IKBIP: variants seen among roughly 807,000 people sequenced by gnomAD.
IKBIP encodes the protein inhibitor of nuclear factor kappa-B kinase-interacting protein.
IKBIP carries 28 observed loss-of-function variants against 31.0 expected under a neutral mutation model. That is an observed-to-expected ratio of 0.90 (90% CI 0.67 to 1.24). The LOEUF is 1.24. IKBIP is among the 50% of genes most tolerant of loss of function. The pLI, the probability that IKBIP is intolerant of heterozygous loss-of-function variation, is 0.00. For missense variants in IKBIP, 453 were observed against 441.9 expected (o/e 1.03, Z -0.23); for synonymous variants, 164 against 160.3 (o/e 1.02, Z -0.17).
At chr12:98,634,748 C>T (rs561895783) in intron 1 of IKBIP, among the ~76,000 whole-genome samples, 324 of 145,816 alleles carry the variant, frequency 2.2e-3, no homozygotes, top group African/African-American at 7.6e-3. Flanking sequence ...CTCACTCTGT[C>T]GCCCAGGCTG....
At chr12:98,633,832 TA>T (rs2097623362) in intron 2 of IKBIP, among the ~76,000 whole-genome samples, 1 of 152,192 alleles carries the variant, frequency 6.6e-6, no homozygotes, top group Non-Finnish European at 1.5e-5. Flanking sequence ...TAGCCATTCT[TA>T]AATGCATGTA....
exon 3 of IKBIP, chr12:98,614,096 C>A (rs140515964): frequency 2.2e-5 from 36 of 1,612,920 alleles, no homozygotes; most frequent in Non-Finnish European, 3.0e-5. Context: ...ACCTGAAATC[C>A]GTCGTATATC....
chr12:98,637,182 G>T (rs984728824), intron 1 of IKBIP, among the ~76,000 whole-genome samples: 14 of 151,314 alleles, frequency 9.3e-5, no homozygotes, highest in Non-Finnish European at 1.8e-4. Flanking sequence ...AGTTTTTTTT[G>T]ATTAGCCTCT....
In IKBIP at chr12:98,644,564, G is replaced by A. The variant is rs1383496566; in HGVS notation, c.138C>T (p.Cys46=). 5 of 1,608,216 alleles carry A rather than the reference G, an allele frequency of 3.1e-6. No homozygotes were observed. The highest frequency in any genetic ancestry group is 4.2e-6 in the Non-Finnish European group (5 of 1,178,040). ...GGGGWADPRT[C]LSLLSLGTCL... ...ACGTCCCCAGCGACAGCAGGCTCAG[G>A]CACGTTCGGGGGTCTGCCCAGCCCC... Residue 46 remains cysteine (C), a synonymous_variant, in exon 1 of 3, where the codon TGC becomes TGT. Transcript: ENST00000299157.
chr12:98,615,486 C>T (rs1197883414), intron 2 of IKBIP, among the ~76,000 whole-genome samples: 2 of 152,176 alleles, frequency 1.3e-5, no homozygotes, highest in Non-Finnish European at 2.9e-5. Context: ...GCCTCGACCT[C>T]CCAAAGTGCT....
At chr12:98,618,029 A>T (rs2097607209) in intron 2 of IKBIP, among the ~76,000 whole-genome samples, 1 of 152,170 alleles carries the variant, frequency 6.6e-6, no homozygotes, top group Non-Finnish European at 1.5e-5. Context: ...TTAGTTTGGG[A>T]CACAGAATGT....
rs190973807 is a variant in IKBIP at position 98,631,998 on chromosome 12, G to A, written c.297+2298C>T. Among the ~76,000 whole-genome samples, 283 of 151,598 alleles carry A rather than the reference G, an allele frequency of 1.9e-3. 1 individual carries two copies. The highest frequency in any genetic ancestry group is 6.5e-3 in the African/African-American group (271 of 41,404). On this transcript the variant is annotated intron_variant, in intron 2 of 2. Transcript: ENST00000299157. Reference sequence around the variant, plus strand: ...AGCCTCCCGAGTAGCTGGGATTACAGGCGCCCGCCACCACGCCCAGCTAAT... The same window carrying A: ...AGCCTCCCGAGTAGCTGGGATTACAAGCGCCCGCCACCACGCCCAGCTAAT...
downstream of IKBIP, among the ~76,000 whole-genome samples, chr12:98,622,047 G>C (rs2097610566): frequency 6.7e-6 from 1 of 148,674 alleles, no homozygotes; most frequent in Non-Finnish European, 1.5e-5. Context: ...CTGCACTCCA[G>C]CCTGGGGACA....
chr12:98,630,709 T>C (rs2097619300), intron 2 of IKBIP, among the ~76,000 whole-genome samples: 1 of 152,158 alleles, frequency 6.6e-6, no homozygotes, highest in Non-Finnish European at 1.5e-5. Context: ...AAAAATCTTA[T>C]TATTTCTCAC....
intron 2 of IKBIP, among the ~76,000 whole-genome samples, chr12:98,631,743 A>C (rs550936282): frequency 6.8e-6 from 1 of 147,696 alleles, no homozygotes; most frequent in East Asian, 2.1e-4. Flanking sequence ...ATTGTACTCC[A>C]GCCTGGATGA....
At chr12:98,641,760 A>G (rs2097630657) in intron 1 of IKBIP, among the ~76,000 whole-genome samples, 1 of 151,272 alleles carries the variant, frequency 6.6e-6, no homozygotes, top group African/African-American at 2.4e-5. Flanking sequence ...GACTCAAGCT[A>G]TCTTCTCACC....
At position 98,644,786 on chromosome 12, in the gene IKBIP, C is replaced by T. The variant is rs1018165336; in HGVS notation, c.-85G>A. The stretch of plus-strand genomic sequence containing the variant: ...TGGCCGCCTTGGCGTTCGTGGGAAC[C>T]CTGGGCGGTGACCGCGCCCCCTCAC... On this transcript the variant is annotated 5_prime_UTR_variant, in exon 1 of 3. Transcript: ENST00000299157. 1 of 1,469,218 alleles carries T rather than the reference C, an allele frequency of 6.8e-7. No homozygotes were observed. Among genetic ancestry groups the T allele is most frequent in the Non-Finnish European group, 9.2e-7 (1 of 1,082,214 alleles). 91.0% of individuals were successfully genotyped at this position (1,469,218 alleles called of 1,614,324 possible). A position where few individuals can be genotyped will look rare whatever the true frequency, so the allele number is the denominator to read the frequency against.
At chr12:98,635,348 G>A (rs1426605003) in intron 1 of IKBIP, among the ~76,000 whole-genome samples, 1 of 152,086 alleles carries the variant, frequency 6.6e-6, no homozygotes, top group Non-Finnish European at 1.5e-5. Context: ...CCTCCCCTCA[G>A]CCTCCCAAAG....
Position 98,626,628 on chromosome 12 carries a change from G to A in IKBIP, c.436C>T (p.Gln146Ter), listed in dbSNP as rs555042942. The change falls in exon 3 of 3, where the codon CAA becomes TAA. Residue 146 changes from glutamine (Q) to a stop codon, truncating the protein, a stop_gained. Transcript: ENST00000299157. LOFTEE classifies it high-confidence loss of function. ...TTCTGAAATTTCTCATTAAGGCTTTGCATCCTTTGAGTGAGCACCTCTTCA... is the reference window on the plus strand; with the variant it reads ...TTCTGAAATTTCTCATTAAGGCTTTACATCCTTTGAGTGAGCACCTCTTCA... ...NNEEVLTQRM[Q>*]SLNEKFQNIT... 9.2e-5 allele frequency: 149 copies of A among 1,613,836 alleles called. 1 individual carries two copies. In the South Asian group the frequency reaches 1.4e-3, roughly 16 times the overall value.
At chr12:98,618,743 C>T (rs1463384056) in intron 2 of IKBIP, among the ~76,000 whole-genome samples, 1 of 152,164 alleles carries the variant, frequency 6.6e-6, no homozygotes, top group Non-Finnish European at 1.5e-5. Context: ...GCCACCACAC[C>T]TAGCTTGAAT....
At chr12:98,618,342 T>G (rs953587551) in intron 2 of IKBIP, among the ~76,000 whole-genome samples, 4 of 152,066 alleles carry the variant, frequency 2.6e-5, no homozygotes, top group African/African-American at 9.7e-5. Flanking sequence ...AAGAAAAAAT[T>G]GAGGCCAGGC....
intron 1 of IKBIP, among the ~76,000 whole-genome samples, chr12:98,637,039 TAA>T (rs1300207788): frequency 5.3e-5 from 8 of 152,232 alleles, no homozygotes; most frequent in Non-Finnish European, 1.5e-5. Context: ...ATCATTATTA[TAA>T]GAGACTTTCG....
At chr12:98,630,419 A>AGTACTTT (rs1437227787) in intron 2 of IKBIP, among the ~76,000 whole-genome samples, 1 of 139,790 alleles carries the variant, frequency 7.2e-6, no homozygotes, top group East Asian at 2.2e-4. Flanking sequence ...AAAAAGAGCT[A>AGTACTTT]GTACTTTATT....
At chr12:98,623,376 A>G (rs569162730), downstream of IKBIP, among the ~76,000 whole-genome samples, 2 of 150,788 alleles carry the variant, frequency 1.3e-5, no homozygotes, top group East Asian at 3.9e-4. Flanking sequence ...ACCTGGGCTC[A>G]GCCTCCTGCG....
Sources: allele counts gnomAD v4.1 joint callset (sites outside exome capture counted in the v4.1 genomes callset), GRCh38; gene constraint gnomAD v4.1.1; transcripts MANE v1.5; gene names NCBI Gene and HGNC (gene_info 2026-07-23, HGNC 2026-07-21).